The following SLC1A1 variants were observed in gnomAD, a reference collection of about 807,000 sequenced individuals.
SLC1A1 encodes the protein excitatory amino acid transporter 3.
Under a neutral mutation model 53.3 loss-of-function variants are expected in SLC1A1, and 43 were observed. The observed-to-expected ratio is 0.81, with a 90% CI of 0.63 to 1.04. The LOEUF (loss-of-function observed/expected upper bound fraction) is 1.04, where lower values mean the gene tolerates loss of function less well. SLC1A1 is among the 50% of genes least tolerant of loss of function. The probability of loss-of-function intolerance (pLI) is 0.00; values close to 1 mark genes in which losing one functional copy is unlikely to be tolerated. For synonymous variants in SLC1A1, 307 were observed against 243.2 expected (o/e 1.26, Z -2.44); for missense variants, 748 against 664.9 (o/e 1.12, Z -1.37).
rs1209181723 is a variant in SLC1A1 at position 4,561,483 on chromosome 9, A to C, written c.267A>C (p.Lys89Asn). ...CACTGGATTCCAACGTATCCGGAAA[A>C]ATTGGTCTGCGCGCTGTCGTGTATT... Reference protein sequence around the residue: ...VAALDSNVSGKIGLRAVVYYF... With the variant: ...VAALDSNVSGNIGLRAVVYYF... The change falls in exon 3 of 12, where the codon AAA (lysine) becomes AAC (asparagine). Residue 89 changes from lysine (K) to asparagine (N), a missense_variant. Lys to Asn is a moderately conservative substitution (Grantham distance 94). Coordinates refer to ENST00000262352, the MANE Select transcript of SLC1A1 (RefSeq NM_004170.6). The C allele has an allele frequency of 6.2e-7, 1 of 1,611,052 alleles. No homozygotes were observed.
chr9:4,498,966 T>C (rs1820538014), intron 1 of SLC1A1, among the ~76,000 whole-genome samples: 1 of 144,782 alleles, frequency 6.9e-6, no homozygotes, highest in Non-Finnish European at 1.5e-5. Context: ...ATATATTATA[T>C]ATGTATATAT....
At chr9:4,558,454 A>G (rs1818630814) in intron 2 of SLC1A1, among the ~76,000 whole-genome samples, 1 of 152,142 alleles carries the variant, frequency 6.6e-6, no homozygotes, top group Non-Finnish European at 1.5e-5. Flanking sequence ...ATGGGAAACA[A>G]AGACCCGTGC....
chr9:4,533,425 TA>T (rs957501930), intron 1 of SLC1A1, among the ~76,000 whole-genome samples: 18 of 151,982 alleles, frequency 1.2e-4, no homozygotes, highest in African/African-American at 4.3e-4. Flanking sequence ...TAGTCTCGGA[TA>T]AAACAGACTT....
intron 10 of SLC1A1, among the ~76,000 whole-genome samples, chr9:4,580,649 G>GTGTA (rs1820999660): frequency 7.9e-6 from 1 of 126,862 alleles, no homozygotes; most frequent in Non-Finnish European, 1.7e-5. Context: ...GTGTGTGTGT[G>GTGTA]TGTATAAGGA....
At chr9:4,537,277 C>T (rs940435189) in intron 1 of SLC1A1, among the ~76,000 whole-genome samples, 2 of 119,518 alleles carry the variant, frequency 1.7e-5, no homozygotes, top group South Asian at 2.3e-4. Context: ...AAATCACATG[C>T]GGCCGGGCGC....
At chr9:4,524,095 G>C (rs1379225541) in intron 1 of SLC1A1, among the ~76,000 whole-genome samples, 2 of 152,152 alleles carry the variant, frequency 1.3e-5, no homozygotes, top group African/African-American at 4.8e-5. Flanking sequence ...TATAAATTAG[G>C]TGATCTGTAA....
intron 1 of SLC1A1, among the ~76,000 whole-genome samples, chr9:4,501,309 ACT>A (rs1820623054): frequency 6.7e-6 from 1 of 150,372 alleles, no homozygotes; most frequent in Non-Finnish European, 1.5e-5. Flanking sequence ...TCATCATGTG[ACT>A]CTCTGCTTGG....
At chr9:4,529,841 C>T (rs997026818) in intron 1 of SLC1A1, among the ~76,000 whole-genome samples, 1 of 152,114 alleles carries the variant, frequency 6.6e-6, no homozygotes, top group South Asian at 2.1e-4. Flanking sequence ...TATATATATA[C>T]TTGATTACTT....
intron 6 of SLC1A1, among the ~76,000 whole-genome samples, chr9:4,571,538 G>A (rs1820048936): frequency 6.6e-6 from 1 of 152,130 alleles, no homozygotes; most frequent in East Asian, 1.9e-4. Flanking sequence ...TTAATTGGGT[G>A]TGGGGGCGGA....
intron 1 of SLC1A1, among the ~76,000 whole-genome samples, chr9:4,500,772 A>C (rs754333673): frequency 1.3e-5 from 2 of 152,270 alleles, no homozygotes; most frequent in East Asian, 1.9e-4. Context: ...AAATTTTACT[A>C]CTTTACTTTG....
In SLC1A1 at chr9:4,518,363, G is replaced by A. The variant is rs1586705999; in HGVS notation, c.92-26204G>A. Among the ~76,000 whole-genome samples the A allele has an allele frequency of 2.0e-5, 3 of 150,654 alleles. No homozygotes were observed. The South Asian group carries it at 6.3e-4, about 32-fold the overall frequency. On this transcript the variant is annotated intron_variant, in intron 1 of 11. Transcript: ENST00000262352. Reference sequence around the variant, plus strand: ...CTTCTACTGCATGGGGTTTTTTGTGGTTTTGTTTTTTTTTTGTTTTTGAGA... The same window carrying A: ...CTTCTACTGCATGGGGTTTTTTGTGATTTTGTTTTTTTTTTGTTTTTGAGA...
Position 4,532,200 on chromosome 9 carries a change from G to C in SLC1A1, c.92-12367G>C, listed in dbSNP as rs113470613. ...CCTTACCAGCAATGGAACAAAGCTG[G>C]AGGGAGAATGAGAATGACGTTGACG... On this transcript the variant is annotated intron_variant, in intron 1 of 11. Transcript: ENST00000262352. Among the ~76,000 whole-genome samples, 1,107 of 152,308 alleles carry C rather than the reference G, an allele frequency of 7.3e-3. 16 individuals carry two copies. The highest frequency in any genetic ancestry group is 0.025 in the African/African-American group (1,054 of 41,572).
At chr9:4,510,682 C>T (rs1361279044) in intron 1 of SLC1A1, among the ~76,000 whole-genome samples, 1 of 152,206 alleles carries the variant, frequency 6.6e-6, no homozygotes, top group African/African-American at 2.4e-5. Context: ...CCCAGTTCCA[C>T]ACCCAGCAGG....
chr9:4,564,257 A>C, intron 3 of SLC1A1, 87 bp from the exon 4 acceptor site: 1 of 900,588 alleles, frequency 1.1e-6, no homozygotes, highest in Non-Finnish European at 1.8e-6. Context: ...TGCCTGGTAC[A>C]ACCATGCCCA....
chr9:4,528,289 G>C (rs1816335932), intron 1 of SLC1A1, among the ~76,000 whole-genome samples: 1 of 152,132 alleles, frequency 6.6e-6, no homozygotes, highest in Non-Finnish European at 1.5e-5. Context: ...ATGCAAGTTA[G>C]GAGGTGGGCA....
At chr9:4,534,478 C>T (rs1212796961) in intron 1 of SLC1A1, among the ~76,000 whole-genome samples, 1 of 152,126 alleles carries the variant, frequency 6.6e-6, no homozygotes, top group Non-Finnish European at 1.5e-5. Context: ...TGGATAAATT[C>T]CTGGACACAT....
At chr9:4,526,642 T>C (rs4742004) in intron 1 of SLC1A1, among the ~76,000 whole-genome samples, 39,553 of 152,118 alleles carry the variant, frequency 0.26, 6,249 homozygotes, top group South Asian at 0.4. Context: ...TTACTTTTCA[T>C]TGAAACATTT....
At chr9:4,544,093 C>T (rs988870147) in intron 1 of SLC1A1, among the ~76,000 whole-genome samples, 3 of 152,068 alleles carry the variant, frequency 2.0e-5, no homozygotes, top group African/African-American at 7.2e-5. Context: ...GGAGGATCGA[C>T]TGAGCCTGGA....
intron 1 of SLC1A1, among the ~76,000 whole-genome samples, chr9:4,518,971 G>A (rs530331685): frequency 2.0e-5 from 3 of 152,260 alleles, no homozygotes; most frequent in South Asian, 2.1e-4. Context: ...GTTTGGGCCC[G>A]GTTGTGTCTA....
Sources: gnomAD v4.1 joint callset for allele counts (sites outside exome capture counted in the v4.1 genomes callset) on GRCh38, gnomAD v4.1.1 for gene constraint, MANE v1.5 for transcripts, NCBI Gene and HGNC (gene_info 2026-07-23, HGNC 2026-07-21) for gene names.